Variants in DNAH9 observed in about 807,000 individuals in gnomAD.
The protein encoded by DNAH9 is dynein axonemal heavy chain 9.
Under a neutral mutation model 471.6 loss-of-function variants are expected in DNAH9, and 345 were observed. The ratio of observed to expected loss-of-function variants is 0.73; its 90% CI spans 0.67 to 0.80. The LOEUF is 0.80. Among genes scored for constraint, DNAH9 ranks in the 30% least tolerant of loss-of-function variants. DNAH9 has a pLI of 0.00. For synonymous variants in DNAH9, 2,093 were observed against 2,123.6 expected (o/e 0.99, Z 0.40); for missense variants, 5,407 against 5,609.2 (o/e 0.96, Z 1.15).
At chr17:11,955,127 T>C (rs1975573410) in intron 67 of DNAH9, among the ~76,000 whole-genome samples, 1 of 152,168 alleles carries the variant, frequency 6.6e-6, no homozygotes, top group Admixed American at 6.5e-5. Context: ...TTGTAAATCC[T>C]ACAGCAGCAT....
rs2072310417 is a variant in DNAH9, at chr17:11,598,606, G to T, written c.108G>T (p.Leu36=). The change falls in exon 1 of 69, where the codon CTG becomes CTT. Residue 36 remains leucine (L), a synonymous_variant. Coordinates refer to ENST00000262442, the MANE Select transcript of DNAH9 (RefSeq NM_001372.4). ...TGGGGACCTACGTGGCCATGAGCCT[G>T]CGGCCGGCTGCGGGCGCCTGGGAGC... ...RLLGTYVAMS[L]RPAAGAWERC... The T allele has an allele frequency of 3.0e-6, 4 of 1,341,956 alleles. No individual in the cohort carries two copies. The South Asian group carries it at 7.3e-5, about 24-fold the overall frequency. The allele number at this position is 1,341,956 out of a possible 1,614,324, so 83.1% of individuals were successfully genotyped here. A position where few individuals can be genotyped will look rare whatever the true frequency, so the allele number is the denominator to read the frequency against.
rs1037399790 is a variant in DNAH9 at position 11,626,839 on chromosome 17, C to CT, written c.1351-2570dup. ...TCCTAGCTCCTCTATCACCTTGCTG[C>CT]TTTTTTTTCTGGAAGTATTATAGGC... On this transcript the variant is annotated intron_variant, in intron 6 of 68. Transcript: ENST00000262442. The surrounding 1 kb of genome is among the most constrained non-coding windows in gnomAD (Gnocchi z 4.3). 4.6e-5 allele frequency among the ~76,000 whole-genome samples: 7 copies of CT among 151,794 alleles called. No homozygotes were observed. The highest frequency in any genetic ancestry group is 8.8e-5 in the Non-Finnish European group (6 of 67,938).
rs1973277802 is a variant in DNAH9 at position 11,898,129 on chromosome 17, T to C, written c.11406+3633T>C. On this transcript the variant is annotated intron_variant, in intron 59 of 68. Transcript: ENST00000262442. ...TGCCTTTCCACTTCTTTCTTTTCCT[T>C]TTCTTTTTTTTTTTGAGGCGGAGTC... Among the ~76,000 whole-genome samples, 3 of 90,152 alleles carry C rather than the reference T, an allele frequency of 3.3e-5. 1 individual carries two copies. The highest frequency in any genetic ancestry group is 2.8e-5 in the African/African-American group (1 of 35,598). The allele number at this position is 90,152 out of a possible 152,430, so 59.1% of individuals were successfully genotyped here. A position where few individuals can be genotyped will look rare whatever the true frequency, so the allele number is the denominator to read the frequency against.
Position 11,969,411 on chromosome 17 carries a change from C to A in DNAH9, c.13345C>A (p.Pro4449Thr). The change falls in exon 69 of 69, where the codon CCT (proline) becomes ACT (threonine). Residue 4449 changes from proline to threonine, a missense_variant. Pro to Thr is a conservative substitution (Grantham distance 38). Around this residue, in one of 3 missense-constraint regions of DNAH9, gnomAD observed 4,636 missense variants for 4,900.3 expected, o/e 0.95. Coordinates refer to ENST00000262442, the MANE Select transcript of DNAH9 (RefSeq NM_001372.4). ...GGACTGCCGCAGTGTCTATTCCTGT[C>A]CTGTGTACAAGACTAGTCAGCGGGG... ...KQDCRSVYSC[P>T]VYKTSQRGPT... The A allele has an allele frequency of 6.2e-7, 1 of 1,613,976 alleles. No individual in the cohort carries two copies. Among genetic ancestry groups the A allele is most frequent in the Non-Finnish European group, 8.5e-7 (1 of 1,179,998 alleles).
intron 67 of DNAH9, among the ~76,000 whole-genome samples, chr17:11,954,753 C>T (rs1011816819): frequency 1.8e-4 from 24 of 134,104 alleles, no homozygotes; most frequent in African/African-American, 4.5e-4. Flanking sequence ...CTGGGCAACA[C>T]GGCAAGACTT....
chr17:11,693,746 T>G, intron 20 of DNAH9, 122 bp from the exon 21 acceptor site: 1 of 1,040,588 alleles, frequency 9.6e-7, no homozygotes, highest in East Asian at 2.4e-5. Context: ...TTTCCTTCGT[T>G]GAGTCTATTC....
At chr17:11,884,367 C>T (rs1039760444) in intron 56 of DNAH9, 5 of 314,860 alleles carry the variant, frequency 1.6e-5, no homozygotes, top group Non-Finnish European at 3.2e-5. Context: ...GGGGCCCAAC[C>T]CCTGCTCTGT....
chr17:11,783,811 T>C, intron 40 of DNAH9, 63 bp downstream of exon 40: 2 of 1,370,158 alleles, frequency 1.5e-6, no homozygotes. Context: ...TGCCCCTTGA[T>C]TATAAGTATA....
chr17:11,757,067 TAAA>T (rs1378820410), intron 34 of DNAH9, among the ~76,000 whole-genome samples: 2 of 151,936 alleles, frequency 1.3e-5, no homozygotes, highest in Admixed American at 1.3e-4. Context: ...AAATCAAACT[TAAA>T]GAAGCAGGGA....
intron 35 of DNAH9, among the ~76,000 whole-genome samples, chr17:11,761,382 G>T (rs1166744484): frequency 6.6e-6 from 1 of 152,208 alleles, no homozygotes; most frequent in Non-Finnish European, 1.5e-5. Context: ...GTAAAAGCGG[G>T]GTGGAGAGAA....
Position 11,742,301 on chromosome 17 carries a change from T to G in DNAH9, c.6099T>G (p.Leu2033=), listed in dbSNP as rs1208074302. The G allele has an allele frequency of 6.2e-7, 1 of 1,614,088 alleles. No homozygotes were observed. Among genetic ancestry groups the G allele is most frequent in the Admixed American group, 1.7e-5 (1 of 60,012 alleles). The change falls in exon 30 of 69, where the codon CTT becomes CTG. Residue 2033 remains leucine, a synonymous_variant. Coordinates refer to ENST00000262442, the MANE Select transcript of DNAH9 (RefSeq NM_001372.4). ...CTCTTTACCAGTTGTGCAAAGAGCTTCTCTCCAAACAGGTAGGATCTCTAG... is the reference window on the plus strand; with the variant it reads ...CTCTTTACCAGTTGTGCAAAGAGCTGCTCTCCAAACAGGTAGGATCTCTAG... The part of the protein sequence containing the change: ...FITLYQLCKE[L]LSKQDHYDWG...
At chr17:11,630,541 C>T (rs879369343) in intron 7 of DNAH9, 6 of 152,122 alleles carry the variant, frequency 3.9e-5, no homozygotes, top group Non-Finnish European at 8.8e-5. Context: ...ACACTGGGAC[C>T]TGTCAGGGGT....
intron 15 of DNAH9, among the ~76,000 whole-genome samples, chr17:11,665,520 C>A (rs2073851477): frequency 2.0e-5 from 3 of 152,156 alleles, no homozygotes; most frequent in African/African-American, 7.2e-5. Context: ...ACACAATGGG[C>A]ATTCTTTGAA....
Position 11,867,149 on chromosome 17 carries a change from A to G in DNAH9, c.9934-1985A>G, listed in dbSNP as rs148479129. ...GGAGCTGGAGACCAGAGCTGTTCCT[A>G]TTCAGCCATCTTGGCTCCTCTCCAT... On this transcript the variant is annotated intron_variant, in intron 50 of 68. Transcript: ENST00000262442. Among the ~76,000 whole-genome samples the G allele has an allele frequency of 4.9e-3, 742 of 152,302 alleles. 5 individuals are homozygous for G. Among genetic ancestry groups the G allele is most frequent in the South Asian group, 0.011 (55 of 4,826 alleles).
intron 28 of DNAH9, among the ~76,000 whole-genome samples, chr17:11,731,473 A>G (rs1336075834): frequency 2.6e-5 from 4 of 151,508 alleles, no homozygotes; most frequent in South Asian, 4.2e-4. Context: ...ATATGTATAC[A>G]TGTGCCATGT....
At chr17:11,641,803 G>A (rs2150686963) in intron 10 of DNAH9, among the ~76,000 whole-genome samples, 1 of 152,242 alleles carries the variant, frequency 6.6e-6, no homozygotes, top group Admixed American at 6.5e-5. Flanking sequence ...GTGTGTGCAG[G>A]AATTTATAGA....
intron 7 of DNAH9, among the ~76,000 whole-genome samples, chr17:11,630,843 G>T (rs1015995530): frequency 1.3e-5 from 2 of 152,214 alleles, no homozygotes; most frequent in Non-Finnish European, 2.9e-5. Flanking sequence ...TAATTAGCTT[G>T]ATTGTGGTGA....
chr17:11,817,729 G>A (rs1234185334), intron 45 of DNAH9, among the ~76,000 whole-genome samples: 1 of 152,020 alleles, frequency 6.6e-6, no homozygotes, highest in Non-Finnish European at 1.5e-5. Flanking sequence ...ATCAGAAGAG[G>A]CTGAAATGAG....
At chr17:11,771,710 G>C (rs889151096) in intron 38 of DNAH9, among the ~76,000 whole-genome samples, 2 of 151,974 alleles carry the variant, frequency 1.3e-5, no homozygotes, top group African/African-American at 4.8e-5. Flanking sequence ...TTCAAGCCTT[G>C]AGTCCAACAA....
Sources: gnomAD v4.1 joint callset for allele counts (sites outside exome capture counted in the v4.1 genomes callset) on GRCh38, gnomAD v4.1.1 for gene constraint, gnomAD v4.1.1 regional missense constraint, Gnocchi (gnomAD v3.1) non-coding constraint, MANE v1.5 for transcripts, NCBI Gene and HGNC (gene_info 2026-07-23, HGNC 2026-07-21) for gene names.